FADS2: variants seen among roughly 807,000 people sequenced by gnomAD.
The protein encoded by FADS2 is fatty acid desaturase 2, also known as acyl-CoA 6-desaturase.
Under a neutral mutation model 61.2 loss-of-function variants are expected in FADS2, and 18 were observed. The ratio of observed to expected loss-of-function variants is 0.29; its 90% CI spans 0.20 to 0.44. The LOEUF (loss-of-function observed/expected upper bound fraction) is 0.44. Ranked by LOEUF, FADS2 falls within the 20% of genes least tolerant of loss-of-function variation. The probability of loss-of-function intolerance (pLI) is 1.00; values close to 1 mark genes in which losing one functional copy is unlikely to be tolerated. For synonymous variants in FADS2, 203 were observed against 223.9 expected (o/e 0.91, Z 0.83); for missense variants, 322 against 572.7 (o/e 0.56, Z 4.47).
chr11:61,831,185 G>C lies in FADS2; in HGVS notation c.207+2588G>C, dbSNP rs530662782. ...GGGGCATGTGGAAAGGGGACCTAAA[G>C]AGAGAAGCAGGAACAGGCTACTGAA... On this transcript the variant is annotated intron_variant, in intron 1 of 11. Transcript: ENST00000278840. 2.6e-4 allele frequency among the ~76,000 whole-genome samples: 40 copies of C among 152,284 alleles called. No individual in the cohort carries two copies. The South Asian group carries it at 7.9e-3, about 30-fold the overall frequency.
At chr11:61,828,062 C>A, upstream of FADS2, 1 of 1,199,936 alleles carries the variant, frequency 8.3e-7, no homozygotes, top group Admixed American at 4.3e-5. This position sits in a 1 kb window ranked among gnomAD's most constrained non-coding sequence, Gnocchi z 6.4. Flanking sequence ...GCCGGAGGGG[C>A]GGGCAGAGGA....
In FADS2 at chr11:61,848,350, G is replaced by A. The variant is rs952056994; in HGVS notation, c.744+66G>A. 8 of 1,603,938 alleles carry A rather than the reference G, an allele frequency of 5.0e-6. No homozygotes were observed. The East Asian group carries it at 1.1e-4, about 22-fold the overall frequency. ...CCTGGGCGAATGGCAGACCATCGAGGTACAACTAAGGAGATGGTGTTGACC... is the reference window on the plus strand; with the variant it reads ...CCTGGGCGAATGGCAGACCATCGAGATACAACTAAGGAGATGGTGTTGACC... On this transcript the variant is annotated intron_variant, in intron 5 of 11. Coordinates refer to ENST00000278840, the MANE Select transcript of FADS2 (RefSeq NM_004265.4).
rs150394743 is a variant in FADS2, at chr11:61,861,130, G to A, written c.883-1842G>A. On this transcript the variant is annotated intron_variant, in intron 7 of 11. Transcript: ENST00000278840. Reference sequence around the variant, plus strand: ...AGCACTTTGGGAGCCTGAGGCAGGCGGATCACAAGGTCAGGAGATCGAGAC... The same window carrying A: ...AGCACTTTGGGAGCCTGAGGCAGGCAGATCACAAGGTCAGGAGATCGAGAC... 4.4e-3 allele frequency among the ~76,000 whole-genome samples: 674 copies of A among 151,948 alleles called. 10 individuals are homozygous for A. The highest frequency in any genetic ancestry group is 0.015 in the African/African-American group (624 of 41,432).
intron 5 of FADS2, among the ~76,000 whole-genome samples, chr11:61,849,589 A>C (rs1026102408): frequency 1.3e-5 from 2 of 151,964 alleles, no homozygotes; most frequent in Admixed American, 6.5e-5. Context: ...GCTATGTCTC[A>C]AAAAAGAAAA....
Position 61,857,441 on chromosome 11 carries a change from C to T in FADS2, c.806-13C>T. On this transcript the variant is annotated splice_polypyrimidine_tract_variant and intron_variant, in intron 6 of 11. Coordinates refer to ENST00000278840, the MANE Select transcript of FADS2 (RefSeq NM_004265.4). ...GGAATGGATGCCTCTAAGCGCCTGTCTCTCTCCTGCAGTTGGGCCGCCGCT... is the reference window on the plus strand; with the variant it reads ...GGAATGGATGCCTCTAAGCGCCTGTTTCTCTCCTGCAGTTGGGCCGCCGCT... 6.2e-7 allele frequency: 1 copy of T among 1,613,118 alleles called. No individual in the cohort carries two copies. Among genetic ancestry groups the T allele is most frequent in the African/African-American group, 1.3e-5 (1 of 75,040 alleles).
intron 4 of FADS2, among the ~76,000 whole-genome samples, chr11:61,842,337 G>A (rs1172571219): frequency 6.6e-6 from 1 of 152,230 alleles, no homozygotes; most frequent in Non-Finnish European, 1.5e-5. Context: ...GGTGCACATA[G>A]TGGAGTGCTT....
chr11:61,823,775 C>T (rs766585753), upstream of FADS2, among the ~76,000 whole-genome samples: 2 of 152,156 alleles, frequency 1.3e-5, no homozygotes, highest in Non-Finnish European at 2.9e-5. Context: ...CCTTGGCCTC[C>T]CAAAGTGTTG....
chr11:61,865,421 G>A lies in FADS2; in HGVS notation c.1283+144G>A. 1 of 1,129,566 alleles carries A rather than the reference G, an allele frequency of 8.9e-7. No homozygotes were observed. The highest frequency in any genetic ancestry group is 1.6e-5 in the South Asian group (1 of 64,230). The allele number at this position is 1,129,566 out of a possible 1,614,324, so 70.0% of individuals were successfully genotyped here. On this transcript the variant is annotated intron_variant, in intron 11 of 11. Coordinates refer to ENST00000278840, the MANE Select transcript of FADS2 (RefSeq NM_004265.4). The surrounding 1 kb of genome is among the most constrained non-coding windows in gnomAD (Gnocchi z 4.1). ...CCCGAGCCTGTGTTAGGAGCTGTTGGGCTTTTCTCCCTGGGCTGCGAGAAG... is the reference window on the plus strand; with the variant it reads ...CCCGAGCCTGTGTTAGGAGCTGTTGAGCTTTTCTCCCTGGGCTGCGAGAAG...
chr11:61,816,669 C>G lies in FADS2; in HGVS notation c.141+243C>G. 1.9e-6 allele frequency: 3 copies of G among 1,595,844 alleles called. No individual in the cohort carries two copies. Among genetic ancestry groups the G allele is most frequent in the Non-Finnish European group, 2.6e-6 (3 of 1,171,990 alleles). On this transcript the variant is annotated intron_variant, in intron 1 of 11. Transcript: ENST00000257261. The surrounding 1 kb of genome is among the most constrained non-coding windows in gnomAD (Gnocchi z 7.0). ...CGATCACTAGCCACCGCTCCTCGCA[C>G]CCTGAGCGCTGGGCCACCTCGTCCC... is the stretch of plus-strand genomic sequence containing the variant.
chr11:61,824,513 A>AAGAG (rs1229411301), upstream of FADS2, among the ~76,000 whole-genome samples: 1 of 116,966 alleles, frequency 8.5e-6, no homozygotes, highest in Non-Finnish European at 1.8e-5. Flanking sequence ...GAAAGAAAGA[A>AAGAG]AGAAAGAAAG....
intron 4 of FADS2, among the ~76,000 whole-genome samples, chr11:61,846,408 CT>C (rs112121999): frequency 0.05 from 6,934 of 137,832 alleles, 512 homozygotes; most frequent in African/African-American, 0.17. Context: ...CACTCTCTGA[CT>C]TTTTTTTTTT....
chr11:61,857,820 C>T (rs1459194262), intron 7 of FADS2, among the ~76,000 whole-genome samples: 1 of 152,166 alleles, frequency 6.6e-6, no homozygotes, highest in Non-Finnish European at 1.5e-5. Flanking sequence ...GCAAGTGTGG[C>T]CATCTCCCTT....
chr11:61,862,817 G>C lies in FADS2; in HGVS notation c.883-155G>C. The C allele has an allele frequency of 4.6e-6, 3 of 645,200 alleles. No individual in the cohort carries two copies. In the African/African-American group the frequency reaches 5.4e-5, roughly 12 times the overall value. 40.0% of individuals were successfully genotyped at this position (645,200 alleles called of 1,614,324 possible). A position where few individuals can be genotyped will look rare whatever the true frequency, so the allele number is the denominator to read the frequency against. ...ACAAAGGCAGCCATGCAAACCCCGA[G>C]CAAGCAGGTGGCGTGTAGTTGCCCA... On this transcript the variant is annotated intron_variant, in intron 7 of 11. Transcript: ENST00000278840.
chr11:61,843,110 G>A (rs1343597569), intron 4 of FADS2, among the ~76,000 whole-genome samples: 2 of 152,186 alleles, frequency 1.3e-5, no homozygotes, highest in Admixed American at 6.5e-5. Context: ...AAACTCTTTC[G>A]TAGTTCAGCA....
chr11:61,857,105 C>T, intron 6 of FADS2, 34 bp downstream of exon 6: 1 of 1,548,906 alleles, frequency 6.5e-7, no homozygotes, highest in Non-Finnish European at 8.9e-7. Context: ...CACTCTGGGA[C>T]CCTCCCCTCC....
intron 5 of FADS2, among the ~76,000 whole-genome samples, chr11:61,853,335 T>TTCCTTCCTTG (rs1565334638): frequency 2.5e-4 from 19 of 74,650 alleles, no homozygotes; most frequent in African/African-American, 8.6e-4. Flanking sequence ...TTCCTTCCTT[T>TTCCTTCCTTG]CCTTCTTTCT....
intron 1 of FADS2, among the ~76,000 whole-genome samples, chr11:61,817,849 AC>A (rs2135945042): frequency 6.6e-6 from 1 of 152,324 alleles, no homozygotes; most frequent in South Asian, 2.1e-4. Flanking sequence ...TAAAGCACTT[AC>A]TGTGTGCCAG....
At chr11:61,863,510 C>T in intron 9 of FADS2, 132 bp downstream of exon 9, 2 of 807,362 alleles carry the variant, frequency 2.5e-6, no homozygotes, top group Admixed American at 2.2e-5. Context: ...CTGGGAGCTT[C>T]AGGGCTGAGC....
chr11:61,865,945 T>C lies in FADS2; in HGVS notation c.*256T>C, dbSNP rs2067464980. ...CCTCCCAGTGCCTCCTAGCCCCTTCTTCCAAGGAGCAGAGAGGTGGCCACC... is the reference window on the plus strand; with the variant it reads ...CCTCCCAGTGCCTCCTAGCCCCTTCCTCCAAGGAGCAGAGAGGTGGCCACC... On this transcript the variant is annotated 3_prime_UTR_variant, in exon 12 of 12. Transcript: ENST00000278840. The surrounding 1 kb of genome is among the most constrained non-coding windows in gnomAD (Gnocchi z 4.1). 1.9e-5 allele frequency: 10 copies of C among 537,014 alleles called. No homozygotes were observed. The highest frequency in any genetic ancestry group is 1.1e-4 in the East Asian group (4 of 34,974). The allele number at this position is 537,014 out of a possible 1,614,324, so 33.3% of individuals were successfully genotyped here. A position where few individuals can be genotyped will look rare whatever the true frequency, so the allele number is the denominator to read the frequency against.
Sources: allele counts gnomAD v4.1 joint callset (sites outside exome capture counted in the v4.1 genomes callset), GRCh38; gene constraint gnomAD v4.1.1; non-coding constraint Gnocchi (gnomAD v3.1); transcripts MANE v1.5; gene names NCBI Gene and HGNC (gene_info 2026-07-23, HGNC 2026-07-21).